ARF1: variants seen among roughly 807,000 people sequenced by gnomAD.
The protein encoded by ARF1 is ADP-ribosylation factor 1.
ARF1 carries 1 observed loss-of-function variant against 18.0 expected under a neutral mutation model. The observed-to-expected ratio is 0.06, with a 90% confidence interval of 0.02 to 0.26. The LOEUF is 0.26. Ranked by LOEUF, ARF1 falls within the 10% of genes least tolerant of loss-of-function variation. The probability of loss-of-function intolerance (pLI) is 1.00; values close to 1 mark genes in which losing one functional copy is unlikely to be tolerated. For synonymous variants in ARF1, 112 were observed against 96.3 expected, an observed-to-expected ratio of 1.16 and a Z score of -0.95; for missense variants, 73 against 247.2, an observed-to-expected ratio of 0.30 and a Z score of 4.73.
At chr1:228,085,666 A>G (rs73092942) in intron 1 of ARF1, among the ~76,000 whole-genome samples, 8,775 of 152,182 alleles carry the variant, frequency 0.058, 852 homozygotes, top group African/African-American at 0.2. Flanking sequence ...ATGACAAGAG[A>G]AGAGACAGGG....
rs990598292 is a variant in ARF1, at chr1:228,097,519, G to A, written c.259+67G>A. Reference sequence around the variant, plus strand: ...AGAGAGGGGGGGCCAGCCCATAGATGGGGCATCGATGCCCATAGATGCGGC... The same window carrying A: ...AGAGAGGGGGGGCCAGCCCATAGATAGGGCATCGATGCCCATAGATGCGGC... On this transcript the variant is annotated intron_variant, in intron 3 of 4. Transcript: ENST00000272102. The surrounding 1 kb of genome is among the most constrained non-coding windows in gnomAD (Gnocchi z 8.1). 1.2e-6 allele frequency: 2 copies of A among 1,613,680 alleles called. No individual in the cohort carries two copies. The highest frequency in any genetic ancestry group is 1.7e-6 in the Non-Finnish European group (2 of 1,179,826).
intron 1 of ARF1, among the ~76,000 whole-genome samples, chr1:228,095,731 C>T (rs990441818): frequency 6.6e-6 from 1 of 152,160 alleles, no homozygotes; most frequent in African/African-American, 2.4e-5. Context: ...CCTTTTCTCT[C>T]TGCCCTTCAA....
Position 228,086,669 on chromosome 1 carries a change from G to A in ARF1, c.-38+3904G>A, listed in dbSNP as rs564696874. 7.2e-5 allele frequency among the ~76,000 whole-genome samples: 11 copies of A among 152,296 alleles called. No homozygotes were observed. The East Asian group carries it at 1.7e-3, about 24-fold the overall frequency. On this transcript the variant is annotated intron_variant, in intron 1 of 4. Coordinates refer to ENST00000272102, the MANE Select transcript of ARF1 (RefSeq NM_001658.4). ...ACAGCCAGGAGGGAAAGGTAGCGCC[G>A]TGTCTCTTCCCTCATACACCGCCCA...
rs1282552893 is a variant in ARF1, at chr1:228,097,285, G to T, written c.148+23G>T. 1 of 1,609,282 alleles carries T rather than the reference G, an allele frequency of 6.2e-7. No homozygotes were observed. The highest frequency in any genetic ancestry group is 1.3e-5 in the African/African-American group (1 of 74,854). ...TAGGTGAGGTGGGGGCCAGCAGGGA[G>T]TGGGCTGGGCTGGGCTGGGCCAAGG... On this transcript the variant is annotated intron_variant, in intron 2 of 4. Coordinates refer to ENST00000272102, the MANE Select transcript of ARF1 (RefSeq NM_001658.4). The surrounding 1 kb of genome is among the most constrained non-coding windows in gnomAD (Gnocchi z 8.1).
rs560041250 is a variant in ARF1, at chr1:228,098,781, C to T, written c.*768C>T. ...AGGGCCCCATCTGTCCCTCGGTCGC[C>T]GTGTGGCCAGAGTGGGTCCGTCGTC... On this transcript the variant is annotated 3_prime_UTR_variant, in exon 5 of 5. Transcript: ENST00000272102. 3 of 152,812 alleles carry T rather than the reference C, an allele frequency of 2.0e-5. No individual in the cohort carries two copies. Among genetic ancestry groups the T allele is most frequent in the Non-Finnish European group, 2.9e-5 (2 of 68,050 alleles). 9.5% of individuals were successfully genotyped at this position (152,812 alleles called of 1,614,324 possible).
chr1:228,097,335 C>G lies in ARF1; in HGVS notation c.149-7C>G, dbSNP rs749353761. On this transcript the variant is annotated splice_region_variant and splice_polypyrimidine_tract_variant and intron_variant, in intron 2 of 4. Coordinates refer to ENST00000272102, the MANE Select transcript of ARF1 (RefSeq NM_001658.4). This position sits in a 1 kb window ranked among gnomAD's most constrained non-coding sequence, Gnocchi z 8.1. ...GTACAAGGCCTCACCCTGCATCCCG[C>G]ACCCAGGCTTCAACGTGGAAACCGT... is the stretch of plus-strand genomic sequence containing the variant. 1 of 1,613,450 alleles carries G rather than the reference C, an allele frequency of 6.2e-7. No homozygotes were observed. The highest frequency in any genetic ancestry group is 8.5e-7 in the Non-Finnish European group (1 of 1,179,622).
intron 1 of ARF1, among the ~76,000 whole-genome samples, chr1:228,093,951 GT>G (rs1558086030): frequency 9.4e-6 from 1 of 106,812 alleles, no homozygotes; most frequent in Non-Finnish European, 1.7e-5. Flanking sequence ...GTGAGACTCT[GT>G]CTCAAAAAAA....
intron 1 of ARF1, among the ~76,000 whole-genome samples, chr1:228,092,665 A>T (rs536772767): frequency 6.6e-6 from 1 of 152,236 alleles, no homozygotes; most frequent in East Asian, 1.9e-4. Context: ...GTTGGGGGAG[A>T]TGATCAACCT....
In ARF1 at chr1:228,097,134, A is replaced by G. The variant is rs778178441; in HGVS notation, c.20A>G (p.Asn7Ser). The G allele has an allele frequency of 6.2e-7, 1 of 1,609,276 alleles. No individual in the cohort carries two copies. Among genetic ancestry groups the G allele is most frequent in the East Asian group, 2.2e-5 (1 of 44,862 alleles). Residue 7 changes from asparagine (N) to serine (S), a missense_variant, in exon 2 of 5, where the codon AAC (asparagine) becomes AGC (serine). Coordinates refer to ENST00000272102, the MANE Select transcript of ARF1 (RefSeq NM_001658.4). This position sits in a 1 kb window ranked among gnomAD's most constrained non-coding sequence, Gnocchi z 8.1. MGNIFA[N>S]LFKGLFGKKE... ...ACAAGCATGGGGAACATCTTCGCCA[A>G]CCTCTTCAAGGGCCTTTTTGGCAAA...
chr1:228,090,856 A>G (rs2032555888), intron 1 of ARF1: 2 of 152,278 alleles, frequency 1.3e-5, no homozygotes, highest in African/African-American at 2.4e-5. Flanking sequence ...AGGACTGGAG[A>G]GCATTTGCCA....
chr1:228,095,624 G>A (rs2032719149), intron 1 of ARF1, among the ~76,000 whole-genome samples: 1 of 152,208 alleles, frequency 6.6e-6, no homozygotes, highest in Admixed American at 6.5e-5. Context: ...AGCCAAGATT[G>A]GACATTGCTG....
intron 1 of ARF1, among the ~76,000 whole-genome samples, chr1:228,095,313 T>C (rs1385433285): frequency 6.6e-6 from 1 of 152,100 alleles, no homozygotes; most frequent in Non-Finnish European, 1.5e-5. Context: ...CTCCAGTTGC[T>C]TGTGTGTGGA....
At chr1:228,096,065 C>T (rs1168095165) in intron 1 of ARF1, among the ~76,000 whole-genome samples, 1 of 152,226 alleles carries the variant, frequency 6.6e-6, no homozygotes, top group Admixed American at 6.5e-5. Flanking sequence ...CACTGAAACA[C>T]ACAGGCATGT....
chr1:228,090,922 A>G (rs894881246), intron 1 of ARF1: 9 of 152,310 alleles, frequency 5.9e-5, no homozygotes, highest in Non-Finnish European at 1.3e-4. Flanking sequence ...GTCAGAGGTC[A>G]TGAGACACTG....
Position 228,088,586 on chromosome 1 carries a change from T to C in ARF1, c.-38+5821T>C, listed in dbSNP as rs74140923. 6.8e-3 allele frequency among the ~76,000 whole-genome samples: 1,038 copies of C among 152,314 alleles called. 6 individuals carry two copies. The highest frequency in any genetic ancestry group is 0.021 in the African/African-American group (862 of 41,558). On this transcript the variant is annotated intron_variant, in intron 1 of 4. Transcript: ENST00000272102. ...AAGTTCCAGGAACAAAATCACCTTA[T>C]AAATCAAAGATGACTGTGTATTGTT...
rs764142633 is a variant in ARF1, at chr1:228,097,911, A to G, written c.444A>G (p.Leu148=). 1.4e-5 allele frequency: 22 copies of G among 1,613,942 alleles called. No individual in the cohort carries two copies. The South Asian group carries it at 2.2e-4, about 16-fold the overall frequency. Reference sequence around the variant, plus strand: ...CAGACAAGCTGGGGCTGCACTCACTACGCCACAGGAACTGGTACATTCAGG... The same window carrying G: ...CAGACAAGCTGGGGCTGCACTCACTGCGCCACAGGAACTGGTACATTCAGG... ...EITDKLGLHS[L]RHRNWYIQAT... The change falls in exon 5 of 5, where the codon CTA becomes CTG. Residue 148 remains leucine (L), a synonymous_variant. Coordinates refer to ENST00000272102, the MANE Select transcript of ARF1 (RefSeq NM_001658.4). The surrounding 1 kb of genome is among the most constrained non-coding windows in gnomAD (Gnocchi z 8.1).
intron 1 of ARF1, chr1:228,096,392 T>G (rs923224718): frequency 1.3e-5 from 2 of 152,258 alleles, no homozygotes; most frequent in Non-Finnish European, 2.9e-5. Flanking sequence ...ATCACCTGAT[T>G]CGTGAAATTG....
chr1:228,083,762 A>C (rs931691369), intron 1 of ARF1, among the ~76,000 whole-genome samples: 2 of 152,260 alleles, frequency 1.3e-5, no homozygotes, highest in African/African-American at 4.8e-5. Flanking sequence ...GGGGCTGGAC[A>C]GCCGTGCGCA....
In ARF1 at chr1:228,097,703, C is replaced by T. The variant is rs373715936; in HGVS notation, c.372C>T (p.Phe124=). The change falls in exon 4 of 5, where the codon TTC becomes TTT. Residue 124 remains phenylalanine (F), a synonymous_variant. Transcript: ENST00000272102. The surrounding 1 kb of genome is among the most constrained non-coding windows in gnomAD (Gnocchi z 8.1). ...DELRDAVLLV[F]ANKQDLPNAM... Reference sequence around the variant, plus strand: ...TCCGGGATGCTGTCCTCCTGGTGTTCGCCAACAAGCAGGTAGGCGCCCGGG... The same window carrying T: ...TCCGGGATGCTGTCCTCCTGGTGTTTGCCAACAAGCAGGTAGGCGCCCGGG... 1.2e-4 allele frequency: 199 copies of T among 1,609,150 alleles called. No homozygotes were observed. The highest frequency in any genetic ancestry group is 1.6e-4 in the Non-Finnish European group (194 of 1,177,076).
Sources: allele counts gnomAD v4.1 joint callset (sites outside exome capture counted in the v4.1 genomes callset), GRCh38; gene constraint gnomAD v4.1.1; non-coding constraint Gnocchi (gnomAD v3.1); transcripts MANE v1.5; gene names NCBI Gene and HGNC (gene_info 2026-07-23, HGNC 2026-07-21).